PCDHA12: variants seen among roughly 807,000 people sequenced by gnomAD.
PCDHA12 encodes protocadherin alpha 12.
PCDHA12 carries 44 observed loss-of-function variants against 60.0 expected under a neutral mutation model. That is an observed-to-expected ratio of 0.73 (90% CI 0.58 to 0.94). The LOEUF (loss-of-function observed/expected upper bound fraction) is 0.94. Among genes scored for constraint, PCDHA12 ranks in the 40% least tolerant of loss-of-function variants. PCDHA12 has a pLI of 0.00. For missense variants in PCDHA12, 1,276 were observed against 1,239.7 expected, an observed-to-expected ratio of 1.03 and a Z score of -0.44; for synonymous variants, 569 against 553.0, an observed-to-expected ratio of 1.03 and a Z score of -0.40.
chr5:140,928,450 G>C, intron 1 of PCDHA12: 2 of 1,614,146 alleles, frequency 1.2e-6, no homozygotes, highest in Non-Finnish European at 8.5e-7. Flanking sequence ...GCAGCTCAGG[G>C]GGTTTCATTT....
At chr5:140,883,521 T>G in intron 1 of PCDHA12, 1 of 1,614,202 alleles carries the variant, frequency 6.2e-7, no homozygotes, top group Non-Finnish European at 8.5e-7. Flanking sequence ...CGCGAGAGCG[T>G]ATCAGCCTAT....
chr5:140,893,249 T>A (rs1317089236), intron 1 of PCDHA12, among the ~76,000 whole-genome samples: 2 of 152,220 alleles, frequency 1.3e-5, no homozygotes, highest in African/African-American at 4.8e-5. Context: ...TTTCCTTTTC[T>A]TTGGATAAAT....
intron 1 of PCDHA12, among the ~76,000 whole-genome samples, chr5:140,931,584 AAC>A (rs1355868674): frequency 1.3e-5 from 2 of 152,054 alleles, no homozygotes; most frequent in Admixed American, 1.3e-4. Flanking sequence ...CATTCAGTTG[AAC>A]AGTCTTTTTC....
intron 1 of PCDHA12, chr5:140,926,592 C>T: frequency 3.3e-6 from 1 of 298,858 alleles, no homozygotes; most frequent in Non-Finnish European, 6.1e-6. Flanking sequence ...CGCGCCCGGG[C>T]GGGCGGCCTC....
intron 1 of PCDHA12, among the ~76,000 whole-genome samples, chr5:140,960,522 T>C (rs1261145307): frequency 6.6e-6 from 1 of 152,090 alleles, no homozygotes; most frequent in African/African-American, 2.4e-5. Flanking sequence ...ATAATGGGTA[T>C]AGGAAAGAGA....
chr5:140,875,817 G>C lies in PCDHA12; in HGVS notation c.345G>C (p.Gln115His), dbSNP rs1262566792. 3 of 1,614,090 alleles carry C rather than the reference G, an allele frequency of 1.9e-6. No homozygotes were observed. The highest frequency in any genetic ancestry group is 2.7e-5 in the African/African-American group (2 of 74,930). Residue 115 changes from glutamine (Q) to histidine (H), a missense_variant, in exon 1 of 4, where the codon CAG becomes CAC. Physicochemically the swap from Gln to His is conservative, Grantham distance 24. Coordinates refer to ENST00000398631, the MANE Select transcript of PCDHA12 (RefSeq NM_018903.4). ...AGGTGATCGTGGACAGGCCGCTGCA[G>C]GTTTTCCATGTGGACGTGGAGGTGA... ...HLEVIVDRPL[Q>H]VFHVDVEVKD...
At chr5:140,936,043 C>A (rs1246569956) in intron 1 of PCDHA12, among the ~76,000 whole-genome samples, 1 of 152,038 alleles carries the variant, frequency 6.6e-6, no homozygotes, top group Non-Finnish European at 1.5e-5. Context: ...CAGGCACCCA[C>A]CACCACACCC....
intron 1 of PCDHA12, among the ~76,000 whole-genome samples, chr5:140,890,620 A>G (rs1554184472): frequency 6.6e-6 from 1 of 152,196 alleles, no homozygotes; most frequent in East Asian, 1.9e-4. Flanking sequence ...TTACCCTAGA[A>G]AATTAAGCAT....
chr5:140,927,897 T>C (rs907878286), intron 1 of PCDHA12: 1 of 1,614,086 alleles, frequency 6.2e-7, no homozygotes, highest in African/African-American at 1.3e-5. Context: ...ACGTGAACGA[T>C]CATGCCCCCG....
At chr5:141,006,528 T>A (rs1161709459) in intron 3 of PCDHA12, among the ~76,000 whole-genome samples, 1 of 152,092 alleles carries the variant, frequency 6.6e-6, no homozygotes, top group African/African-American at 2.4e-5. Context: ...ACATCAGTTT[T>A]TAAAGAGAGA....
At chr5:140,993,673 TG>T (rs2097577380) in intron 3 of PCDHA12, among the ~76,000 whole-genome samples, 1 of 152,322 alleles carries the variant, frequency 6.6e-6, no homozygotes, top group East Asian at 1.9e-4. Context: ...GGACCACATA[TG>T]TGACAGCTGT....
chr5:140,967,601 C>A lies in PCDHA12; in HGVS notation c.2368-11348C>A, dbSNP rs782574259. The A allele has an allele frequency of 9.3e-6, 15 of 1,614,144 alleles. No individual in the cohort carries two copies. The highest frequency in any genetic ancestry group is 1.3e-5 in the Non-Finnish European group (15 of 1,180,034). ...ACCCCCAGGCACATTGGTGGTGAAGCTGAATGCCTCAGACCCGGATGAGGG... is the reference window on the plus strand; with the variant it reads ...ACCCCCAGGCACATTGGTGGTGAAGATGAATGCCTCAGACCCGGATGAGGG... On this transcript the variant is annotated intron_variant, in intron 1 of 3. Transcript: ENST00000398631.
intron 1 of PCDHA12, among the ~76,000 whole-genome samples, chr5:140,942,621 A>T (rs1038877515): frequency 1.5e-3 from 44 of 29,368 alleles, no homozygotes; most frequent in African/African-American, 6.9e-3. Flanking sequence ...GCCAATTGTA[A>T]AAAAAAAAAT....
intron 1 of PCDHA12, chr5:140,967,461 G>A (rs782466677): frequency 6.8e-6 from 11 of 1,613,572 alleles, no homozygotes; most frequent in Non-Finnish European, 8.5e-6. Context: ...GCCGTGGATG[G>A]GGGCATCCCA....
intron 1 of PCDHA12, among the ~76,000 whole-genome samples, chr5:140,956,940 T>G (rs1446313251): frequency 6.7e-6 from 1 of 150,168 alleles, no homozygotes; most frequent in Non-Finnish European, 1.5e-5. Flanking sequence ...AGGATAAAAT[T>G]TACATTAAAA....
chr5:140,939,340 A>G (rs1337369012), intron 1 of PCDHA12, among the ~76,000 whole-genome samples: 1 of 152,178 alleles, frequency 6.6e-6, no homozygotes, highest in Non-Finnish European at 1.5e-5. Flanking sequence ...AGGGGTTAGC[A>G]TTTCAACTTA....
chr5:140,899,788 C>T (rs1260643506), intron 1 of PCDHA12, among the ~76,000 whole-genome samples: 3 of 152,054 alleles, frequency 2.0e-5, no homozygotes, highest in Admixed American at 6.6e-5. Context: ...TGGTATAATT[C>T]GGCTGTGAAT....
At chr5:140,948,957 C>G (rs1338643900) in intron 1 of PCDHA12, among the ~76,000 whole-genome samples, 2 of 151,542 alleles carry the variant, frequency 1.3e-5, no homozygotes, top group Admixed American at 1.3e-4. Context: ...AAATTAAAGC[C>G]ACGAATTTAT....
intron 1 of PCDHA12, among the ~76,000 whole-genome samples, chr5:140,946,707 A>C (rs2094013917): frequency 6.7e-6 from 1 of 150,204 alleles, no homozygotes; most frequent in East Asian, 1.9e-4. Context: ...TCTGGAGGTC[A>C]TTATGTTTAG....
Sources: allele counts gnomAD v4.1 joint callset (sites outside exome capture counted in the v4.1 genomes callset), GRCh38; gene constraint gnomAD v4.1.1; transcripts MANE v1.5; gene names NCBI Gene and HGNC (gene_info 2026-07-23, HGNC 2026-07-21).